Variants in GRID2 observed in about 807,000 individuals in gnomAD.
GRID2 encodes the protein glutamate receptor ionotropic, delta-2.
In GRID2, 33 loss-of-function variants were observed where a neutral mutation model predicts 114.8. That is an observed-to-expected ratio of 0.29 (90% CI 0.22 to 0.38). GRID2 has a LOEUF of 0.38. Ranked by LOEUF, GRID2 falls within the 10% of genes least tolerant of loss-of-function variation. The probability of loss-of-function intolerance (pLI) is 1.00; values close to 1 mark genes in which losing one functional copy is unlikely to be tolerated. For missense variants in GRID2, 1,184 were observed against 1,257.7 expected, an observed-to-expected ratio of 0.94 and a Z score of 0.89; for synonymous variants, 505 against 449.9, an observed-to-expected ratio of 1.12 and a Z score of -1.55.
rs141105071 is a variant in GRID2, at chr4:93,151,524, T to C, written c.735+40571T>C. Among the ~76,000 whole-genome samples the C allele has an allele frequency of 4.1e-3, 630 of 152,272 alleles. 8 individuals are homozygous for C. Among genetic ancestry groups the C allele is most frequent in the African/African-American group, 0.015 (607 of 41,568 alleles). On this transcript the variant is annotated intron_variant, in intron 4 of 15. Coordinates refer to ENST00000282020, the MANE Select transcript of GRID2 (RefSeq NM_001510.4). ...AACTATGTGATAAAGTCAGCCAGAC[T>C]TGGTTCTTAATAAGGGTAACAAAAA...
intron 2 of GRID2, among the ~76,000 whole-genome samples, chr4:92,625,856 T>C (rs1049141965): frequency 6.6e-6 from 1 of 151,916 alleles, no homozygotes; most frequent in Admixed American, 6.6e-5. Flanking sequence ...AGAAATAAAA[T>C]AGATAATTGA....
At position 92,304,442 on chromosome 4, in the gene GRID2, C is replaced by A. The variant is rs1157762955; in HGVS notation, c.-215C>A. 3 of 593,532 alleles carry A rather than the reference C, an allele frequency of 5.1e-6. No homozygotes were observed. The highest frequency in any genetic ancestry group is 4.1e-5 in the South Asian group (2 of 48,820). The allele number at this position is 593,532 out of a possible 1,614,324, so 36.8% of individuals were successfully genotyped here. A position where few individuals can be genotyped will look rare whatever the true frequency, so the allele number is the denominator to read the frequency against. ...TGCCAAAATTCCCCTCCAAGTGACA[C>A]GGCTTTGCGAAGGAGGTTTCCTCAG... On this transcript the variant is annotated 5_prime_UTR_variant, in exon 1 of 16. Coordinates refer to ENST00000282020, the MANE Select transcript of GRID2 (RefSeq NM_001510.4).
At chr4:92,435,663 T>A (rs1366971581) in intron 1 of GRID2, among the ~76,000 whole-genome samples, 2 of 152,188 alleles carry the variant, frequency 1.3e-5, no homozygotes, top group Non-Finnish European at 2.9e-5. Flanking sequence ...CGAGCTTTCA[T>A]ATAAAATGTA....
intron 15 of GRID2, among the ~76,000 whole-genome samples, chr4:93,770,911 G>C (rs1734056704): frequency 6.6e-6 from 1 of 151,954 alleles, no homozygotes; most frequent in Non-Finnish European, 1.5e-5. Flanking sequence ...TGATAATATT[G>C]CATTAATGGA....
At chr4:92,725,487 T>A (rs1412315295) in intron 2 of GRID2, among the ~76,000 whole-genome samples, 1 of 152,136 alleles carries the variant, frequency 6.6e-6, no homozygotes, top group African/African-American at 2.4e-5. Flanking sequence ...CTACTTGAAG[T>A]CTCATTCAGT....
intron 8 of GRID2, among the ~76,000 whole-genome samples, chr4:93,285,678 T>G (rs1251556809): frequency 2.0e-5 from 3 of 152,038 alleles, no homozygotes; most frequent in Non-Finnish European, 4.4e-5. Context: ...ATGAAGTCTT[T>G]AAAAACTTGT....
At chr4:92,958,442 A>C (rs1191985834) in intron 2 of GRID2, among the ~76,000 whole-genome samples, 1 of 151,928 alleles carries the variant, frequency 6.6e-6, no homozygotes, top group Admixed American at 6.6e-5. Flanking sequence ...GATCTTTCTT[A>C]TTTAGCTTGT....
intron 2 of GRID2, among the ~76,000 whole-genome samples, chr4:92,663,843 A>G (rs1222610488): frequency 6.6e-6 from 1 of 151,098 alleles, no homozygotes; most frequent in African/African-American, 2.4e-5. Context: ...CCTTTCTGAC[A>G]TTATAATTTT....
At chr4:93,380,556 A>G (rs987011684) in intron 8 of GRID2, among the ~76,000 whole-genome samples, 1 of 151,782 alleles carries the variant, frequency 6.6e-6, no homozygotes, top group Non-Finnish European at 1.5e-5. Context: ...GCAAGTGCAT[A>G]CAGAAATGTC....
intron 2 of GRID2, among the ~76,000 whole-genome samples, chr4:92,725,743 C>G (rs1736036784): frequency 6.6e-6 from 1 of 152,046 alleles, no homozygotes; most frequent in Non-Finnish European, 1.5e-5. Context: ...GAGTTCATGA[C>G]AAAGATAGCT....
intron 9 of GRID2, among the ~76,000 whole-genome samples, chr4:93,399,957 A>G (rs1258754953): frequency 6.6e-6 from 1 of 152,124 alleles, no homozygotes; most frequent in Non-Finnish European, 1.5e-5. Flanking sequence ...AAGGTTATAT[A>G]TATTAACTTA....
At chr4:92,670,145 A>G (rs1732987237) in intron 2 of GRID2, among the ~76,000 whole-genome samples, 1 of 152,082 alleles carries the variant, frequency 6.6e-6, no homozygotes, top group Non-Finnish European at 1.5e-5. Context: ...ACCACAGGAG[A>G]GAGTTGTAGT....
At chr4:92,615,916 T>C (rs1729985045) in intron 2 of GRID2, among the ~76,000 whole-genome samples, 1 of 151,668 alleles carries the variant, frequency 6.6e-6, no homozygotes, top group African/African-American at 2.4e-5. Context: ...TTATTTCTAC[T>C]CACTGTTATT....
rs191174249 is a variant in GRID2, at chr4:93,105,151, G to A, written c.530-5597G>A. Among the ~76,000 whole-genome samples, 19 of 152,262 alleles carry A rather than the reference G, an allele frequency of 1.2e-4. No individual in the cohort carries two copies. The East Asian group carries it at 2.5e-3, about 20-fold the overall frequency. ...ATGTCCTTTGCCCATTTTTGATGGC[G>A]TTGTTTGTTTTTTTCTTGTAAATTT... On this transcript the variant is annotated intron_variant, in intron 3 of 15. Coordinates refer to ENST00000282020, the MANE Select transcript of GRID2 (RefSeq NM_001510.4).
At chr4:93,667,629 T>C (rs375412104) in intron 14 of GRID2, among the ~76,000 whole-genome samples, 4 of 152,048 alleles carry the variant, frequency 2.6e-5, no homozygotes, top group East Asian at 3.8e-4. Flanking sequence ...GCTGAAAATA[T>C]ATCACTGTTA....
intron 13 of GRID2, among the ~76,000 whole-genome samples, chr4:93,537,882 G>C (rs549276951): frequency 1.3e-5 from 2 of 151,320 alleles, no homozygotes; most frequent in African/African-American, 2.4e-5. Flanking sequence ...TGTTATATAG[G>C]TTCTTTTTAT....
intron 10 of GRID2, among the ~76,000 whole-genome samples, chr4:93,430,828 A>G (rs1004501210): frequency 6.6e-6 from 1 of 152,246 alleles, no homozygotes; most frequent in Non-Finnish European, 1.5e-5. Flanking sequence ...CCTGATGACA[A>G]AATAACAGGT....
At chr4:92,629,333 GTATCA>G (rs1730677865) in intron 2 of GRID2, among the ~76,000 whole-genome samples, 1 of 151,952 alleles carries the variant, frequency 6.6e-6, no homozygotes, top group East Asian at 1.9e-4. Flanking sequence ...TAGTACCATG[GTATCA>G]GGTGCTCCAT....
intron 2 of GRID2, among the ~76,000 whole-genome samples, chr4:92,910,490 C>A (rs1167722534): frequency 6.6e-6 from 1 of 152,142 alleles, no homozygotes. Flanking sequence ...AATTCTAGAA[C>A]ATTTTTGTAG....
Sources: allele counts gnomAD v4.1 joint callset (sites outside exome capture counted in the v4.1 genomes callset), GRCh38; gene constraint gnomAD v4.1.1; transcripts MANE v1.5; gene names NCBI Gene and HGNC (gene_info 2026-07-23, HGNC 2026-07-21).